HNMT: variants seen among roughly 807,000 people sequenced by gnomAD.
The protein encoded by HNMT is histamine N-methyltransferase.
In HNMT, 30 loss-of-function variants were observed where a neutral mutation model predicts 32.1. That is an observed-to-expected ratio of 0.93 (90% CI 0.70 to 1.27). The LOEUF (loss-of-function observed/expected upper bound fraction) is 1.27. HNMT is among the 50% of genes most tolerant of loss of function. The pLI, the probability that HNMT is intolerant of heterozygous loss-of-function variation, is 0.00. For synonymous variants in HNMT, 125 were observed against 119.0 expected, an observed-to-expected ratio of 1.05 and a Z score of -0.33; for missense variants, 327 against 346.0, an observed-to-expected ratio of 0.95 and a Z score of 0.43.
intron 1 of HNMT, among the ~76,000 whole-genome samples, chr2:137,965,899 T>TTA (rs919373558): frequency 1.3e-5 from 2 of 152,198 alleles, no homozygotes; most frequent in African/African-American, 4.8e-5. Context: ...GACCCCTTCC[T>TTA]TATCTTCAAA....
chr2:137,995,751 C>T (rs955419656), intron 2 of HNMT, among the ~76,000 whole-genome samples: 10 of 151,950 alleles, frequency 6.6e-5, no homozygotes, highest in East Asian at 1.9e-4. Context: ...TGATGAATAT[C>T]GATGGGAAAA....
At chr2:137,966,754 C>T (rs1026161158) in intron 1 of HNMT, among the ~76,000 whole-genome samples, 3 of 119,766 alleles carry the variant, frequency 2.5e-5, no homozygotes, top group Non-Finnish European at 5.9e-5. Flanking sequence ...AACAACTTTT[C>T]TGAAGCCCTC....
At chr2:137,992,030 C>G (rs1052656297) in intron 2 of HNMT, 2 of 152,276 alleles carry the variant, frequency 1.3e-5, no homozygotes, top group Non-Finnish European at 1.5e-5. Flanking sequence ...CCCCTCCCCC[C>G]CAGCCAAGGG....
intron 1 of HNMT, among the ~76,000 whole-genome samples, chr2:137,966,432 C>T (rs1679958822): frequency 6.6e-6 from 1 of 152,070 alleles, no homozygotes; most frequent in African/African-American, 2.4e-5. Context: ...ATTAAAATAG[C>T]TAAGTAAGCA....
At chr2:138,000,140 A>G (rs973969888) in intron 2 of HNMT, among the ~76,000 whole-genome samples, 3 of 151,944 alleles carry the variant, frequency 2.0e-5, no homozygotes, top group Admixed American at 1.3e-4. Context: ...AGTTCCAAAT[A>G]TACTCTTTTA....
rs555575249 is a variant in HNMT, at chr2:138,009,931, T to C, written c.524-3844T>C. On this transcript the variant is annotated intron_variant, in intron 5 of 5. Transcript: ENST00000280097. ...CCCCATTTTTCATTTACTCAACAGA[T>C]TGAAACATTTCCTAAAGTTGAATAT... Among the ~76,000 whole-genome samples, 86 of 152,228 alleles carry C rather than the reference T, an allele frequency of 5.6e-4. 1 individual carries two copies. Among genetic ancestry groups the C allele is most frequent in the African/African-American group, 2.0e-3 (85 of 41,570 alleles).
chr2:138,010,225 A>G (rs915653870), intron 5 of HNMT, among the ~76,000 whole-genome samples: 1 of 152,056 alleles, frequency 6.6e-6, no homozygotes, highest in African/African-American at 2.4e-5. Context: ...GCACAGAGAC[A>G]ATACTTAGTA....
chr2:137,964,497 ATCTTCCATGAGGAGCTTGTTT>A lies in HNMT; in HGVS notation c.10_30del (p.Ser4_Ser10del). 6.2e-7 allele frequency: 1 copy of A among 1,613,058 alleles called. No individual in the cohort carries two copies. Among genetic ancestry groups the A allele is most frequent in the Non-Finnish European group, 8.5e-7 (1 of 1,179,432 alleles). ...TCTTTCTCAGAAAACCAAATATGGC[ATCTTCCATGAGGAGCTTGTTT>A]TCTGACCACGGGAAATATGTTGAAT... is the stretch of plus-strand genomic sequence containing the variant. On this transcript the variant is annotated inframe_deletion, in exon 1 of 6. Coordinates refer to ENST00000280097, the MANE Select transcript of HNMT (RefSeq NM_006895.3).
intron 2 of HNMT, among the ~76,000 whole-genome samples, chr2:137,972,137 C>T (rs1277651379): frequency 6.6e-6 from 1 of 152,066 alleles, no homozygotes; most frequent in Non-Finnish European, 1.5e-5. Flanking sequence ...TGGAGTCTCG[C>T]TCTGTTGCCC....
intron 2 of HNMT, among the ~76,000 whole-genome samples, chr2:137,983,751 A>C (rs1680571085): frequency 6.6e-6 from 1 of 152,162 alleles, no homozygotes; most frequent in African/African-American, 2.4e-5. Context: ...ATATGGGTGG[A>C]AAATATGAGT....
intron 5 of HNMT, among the ~76,000 whole-genome samples, chr2:138,011,356 C>T (rs1334858826): frequency 1.3e-5 from 2 of 152,028 alleles, no homozygotes; most frequent in African/African-American, 4.8e-5. Flanking sequence ...TACTCACAAC[C>T]CTCATTTATT....
At chr2:137,978,066 ATTG>A (rs1372752067) in intron 2 of HNMT, among the ~76,000 whole-genome samples, 2 of 151,940 alleles carry the variant, frequency 1.3e-5, no homozygotes, top group African/African-American at 4.8e-5. Context: ...GGTGGTTGTT[ATTG>A]TTGTTTATCA....
chr2:138,002,235 T>A, intron 4 of HNMT, 41 bp downstream of exon 4: 1 of 1,309,276 alleles, frequency 7.6e-7, no homozygotes. Context: ...GAAAGAAGAC[T>A]TTTCAGAATA....
At chr2:137,985,703 A>G (rs916449930) in intron 2 of HNMT, among the ~76,000 whole-genome samples, 5 of 152,210 alleles carry the variant, frequency 3.3e-5, no homozygotes, top group African/African-American at 7.2e-5. Flanking sequence ...TCTCCCACTC[A>G]GAAGACCAGT....
intron 2 of HNMT, among the ~76,000 whole-genome samples, chr2:137,988,185 T>C (rs1680707412): frequency 6.6e-6 from 1 of 152,196 alleles, no homozygotes; most frequent in African/African-American, 2.4e-5. Context: ...CCTTCATCCA[T>C]TTTATAGTCA....
chr2:138,003,147 G>C (rs558384818), intron 4 of HNMT, among the ~76,000 whole-genome samples: 1 of 149,720 alleles, frequency 6.7e-6, no homozygotes, highest in Non-Finnish European at 1.5e-5. Flanking sequence ...TGACGAGTTA[G>C]TGGGTGCAGC....
At chr2:137,987,302 C>G (rs1680678034) in intron 2 of HNMT, among the ~76,000 whole-genome samples, 1 of 152,008 alleles carries the variant, frequency 6.6e-6, no homozygotes, top group Non-Finnish European at 1.5e-5. Flanking sequence ...CATGTATTGC[C>G]CTACTCCCCT....
intron 2 of HNMT, among the ~76,000 whole-genome samples, chr2:137,985,874 T>C (rs1188494419): frequency 6.6e-6 from 1 of 152,202 alleles, no homozygotes; most frequent in South Asian, 2.1e-4. Flanking sequence ...CAACTTGCAT[T>C]ATAAAGTATC....
intron 2 of HNMT, among the ~76,000 whole-genome samples, chr2:137,979,912 A>G (rs954998230): frequency 2.0e-4 from 31 of 152,190 alleles, no homozygotes; most frequent in African/African-American, 7.2e-4. Flanking sequence ...AGATGATGGT[A>G]AGGACTAGAC....
Sources: gnomAD v4.1 joint callset for allele counts (sites outside exome capture counted in the v4.1 genomes callset) on GRCh38, gnomAD v4.1.1 for gene constraint, MANE v1.5 for transcripts, NCBI Gene and HGNC (gene_info 2026-07-23, HGNC 2026-07-21) for gene names.